The following CA5B variants were observed in gnomAD, a reference collection of about 807,000 sequenced individuals.
CA5B encodes the protein carbonic anhydrase 5B, also known as carbonic anhydrase 5B, mitochondrial.
A neutral mutation model predicts 23.1 loss-of-function variants in CA5B; 15 were observed. The observed-to-expected ratio is 0.65, with a 90% CI of 0.43 to 1.00. The LOEUF (loss-of-function observed/expected upper bound fraction) is 1.00, where lower values mean the gene tolerates loss of function less well. Among genes scored for constraint, CA5B ranks in the 50% least tolerant of loss-of-function variants. CA5B has a pLI of 0.00. For missense variants in CA5B, 236 were observed against 252.2 expected (o/e 0.94, Z 0.43); for synonymous variants, 84 against 98.5 (o/e 0.85, Z 0.87).
At chrX:15,771,891 A>G (rs1481589283) in intron 3 of CA5B, among the ~76,000 whole-genome samples, 1 of 110,677 alleles carries the variant, frequency 9.0e-6, no homozygotes, top group Non-Finnish European at 1.9e-5. Flanking sequence ...GAGAAAATCT[A>G]CTGTTACTCT....
At position 15,782,560 on chromosome X, in the gene CA5B, C is replaced by T; in HGVS notation, c.850C>T (p.Leu284Phe). 1 of 1,209,800 alleles carries T rather than the reference C, an allele frequency of 8.3e-7. No individual in the cohort carries two copies. The highest frequency in any genetic ancestry group is 1.1e-6 in the Non-Finnish European group (1 of 893,760). ...AAGAATGGTGGACAACTTCCGCCCC[C>T]TTCAGCCACTGATGAATCGCACTGT... ...EKRMVDNFRP[L>F]QPLMNRTVRS... Residue 284 changes from leucine to phenylalanine, a missense_variant, in exon 8 of 8, where the codon CTT (leucine) becomes TTT (phenylalanine). By Grantham distance (22) the Leu-to-Phe change is conservative. This residue lies in a region of CA5B where 170 missense variants were observed against 162.0 expected (regional missense o/e 1.05). Coordinates refer to ENST00000318636, the MANE Select transcript of CA5B (RefSeq NM_007220.4).
intron 2 of CA5B, 107 bp downstream of exon 2, chrX:15,750,272 T>C (rs923984198): frequency 1.1e-5 from 7 of 613,935 alleles, no homozygotes; most frequent in Admixed American, 3.3e-5. Flanking sequence ...GGAGCAAGTG[T>C]GCAAGAGCAA....
chrX:15,787,099 C>T lies in CA5B; in HGVS notation c.*4435C>T, dbSNP rs1472664249. On this transcript the variant is annotated 3_prime_UTR_variant, in exon 8 of 8. Transcript: ENST00000318636. The stretch of plus-strand genomic sequence containing the variant: ...GCTGATGGAGTCTTGATTGTACGTG[C>T]CCCACTTGCACCACAGCCTGCCTTG... 12 of 111,958 alleles carry T rather than the reference C, an allele frequency of 1.1e-4. No individual in the cohort carries two copies. Among genetic ancestry groups the T allele is most frequent in the African/African-American group, 3.9e-4 (12 of 30,857 alleles). The allele number at this position is 111,958 out of a possible 1,213,427, so 9.2% of individuals were successfully genotyped here.
intron 2 of CA5B, among the ~76,000 whole-genome samples, chrX:15,752,496 C>T (rs1031509469): frequency 1.4e-4 from 15 of 110,798 alleles, no homozygotes; most frequent in South Asian, 3.9e-4. Context: ...GAGGCCGAGG[C>T]GGGCGGATCA....
intron 2 of CA5B, among the ~76,000 whole-genome samples, chrX:15,751,552 T>G (rs1303395989): frequency 9.1e-6 from 1 of 109,927 alleles, no homozygotes; most frequent in Non-Finnish European, 1.9e-5. Flanking sequence ...TTTTTTTTTT[T>G]GACAGTTGAA....
At chrX:15,771,527 A>G (rs1382403892) in intron 3 of CA5B, among the ~76,000 whole-genome samples, 5 of 109,063 alleles carry the variant, frequency 4.6e-5, no homozygotes, top group African/African-American at 1.3e-4. Context: ...CCTGGGTTCA[A>G]GTGATTCTTG....
chrX:15,738,741 G>A (rs1931061024), intron 1 of CA5B, among the ~76,000 whole-genome samples: 1 of 111,397 alleles, frequency 9.0e-6, no homozygotes, highest in Non-Finnish European at 1.9e-5. Context: ...AGCCTTCTGT[G>A]AAATAGCTAG....
At chrX:15,776,616 G>A (rs898873761) in intron 6 of CA5B, 98 bp from the exon 7 acceptor site, 31 of 658,717 alleles carry the variant, frequency 4.7e-5, no homozygotes, top group Middle Eastern at 9.0e-4. Context: ...GACCACTGCT[G>A]ATCTCCAGAT....
intron 3 of CA5B, chrX:15,768,760 A>G (rs1931762506): frequency 8.9e-6 from 1 of 112,366 alleles, no homozygotes; most frequent in South Asian, 3.6e-4. Flanking sequence ...TAAAAAGTGA[A>G]AGAAAGCAAG....
intron 1 of CA5B, among the ~76,000 whole-genome samples, chrX:15,738,654 G>A (rs974850585): frequency 1.8e-5 from 2 of 111,464 alleles, no homozygotes; most frequent in African/African-American, 6.5e-5. Context: ...AGAAAAGGGG[G>A]TGGGGGCGCG....
At position 15,788,242 on chromosome X, in the gene CA5B, C is replaced by T. The variant is rs969404351; in HGVS notation, c.*5578C>T. The T allele has an allele frequency of 8.1e-5, 9 of 111,695 alleles. No individual in the cohort carries two copies. Among genetic ancestry groups the T allele is most frequent in the East Asian group, 2.8e-4 (1 of 3,583 alleles). 9.2% of individuals were successfully genotyped at this position (111,695 alleles called of 1,213,427 possible). On this transcript the variant is annotated 3_prime_UTR_variant, in exon 8 of 8. Transcript: ENST00000318636. ...ATACTTGTACTGGAAATGCATACAG[C>T]GCCTCATCCCCTCTTGAGGGGTCAG...
At chrX:15,752,679 C>T (rs748250892) in intron 2 of CA5B, among the ~76,000 whole-genome samples, 10 of 109,308 alleles carry the variant, frequency 9.1e-5, no homozygotes, top group South Asian at 4.0e-4. Flanking sequence ...GAGCCGAGAT[C>T]GCGCCACTGC....
At chrX:15,742,331 G>A (rs745588754) in intron 1 of CA5B, among the ~76,000 whole-genome samples, 14 of 110,389 alleles carry the variant, frequency 1.3e-4, no homozygotes, top group Admixed American at 5.8e-4. Context: ...ACTCCCCAAG[G>A]CAATTTTCAA....
intron 2 of CA5B, among the ~76,000 whole-genome samples, chrX:15,764,361 C>T (rs1931662586): frequency 9.1e-6 from 1 of 110,000 alleles, no homozygotes; most frequent in African/African-American, 3.3e-5. Flanking sequence ...ACTTTAGCTT[C>T]CCCGGTAGCT....
intron 2 of CA5B, among the ~76,000 whole-genome samples, chrX:15,754,296 C>G (rs1265864272): frequency 8.9e-6 from 1 of 112,863 alleles, no homozygotes; most frequent in African/African-American, 3.2e-5. Flanking sequence ...GTGTTGGCAG[C>G]TACTTCTAGT....
chrX:15,764,870 T>C, intron 3 of CA5B, 95 bp downstream of exon 3: 1 of 990,550 alleles, frequency 1.0e-6, no homozygotes, highest in Non-Finnish European at 1.4e-6. Context: ...AGTATTGACC[T>C]CTTTGTGAGC....
At chrX:15,754,496 C>T (rs1931451657) in intron 2 of CA5B, among the ~76,000 whole-genome samples, 1 of 112,598 alleles carries the variant, frequency 8.9e-6, no homozygotes. Context: ...GCTGTCAACT[C>T]AGATTGCTGT....
At chrX:15,781,212 G>A (rs1239435303) in intron 7 of CA5B, among the ~76,000 whole-genome samples, 1 of 109,905 alleles carries the variant, frequency 9.1e-6, no homozygotes, top group African/African-American at 3.3e-5. Context: ...TCTGACCTCA[G>A]GTGAGCCACC....
At chrX:15,766,918 C>T in intron 3 of CA5B, 1 of 331,981 alleles carries the variant, frequency 3.0e-6, no homozygotes, top group Admixed American at 3.1e-5. Flanking sequence ...CTAGAGTGTG[C>T]CCCCTTCTCA....
Sources: allele counts gnomAD v4.1 joint callset (sites outside exome capture counted in the v4.1 genomes callset), GRCh38; gene constraint gnomAD v4.1.1; regional missense constraint gnomAD v4.1.1; transcripts MANE v1.5; gene names NCBI Gene and HGNC (gene_info 2026-07-23, HGNC 2026-07-21).